The following DNAI3 variants were observed in gnomAD, a reference collection of about 807,000 sequenced individuals.
The protein encoded by DNAI3 is WD repeat domain 63.
A neutral mutation model predicts 115.5 loss-of-function variants in DNAI3; 83 were observed. That is an observed-to-expected ratio of 0.72 (90% CI 0.60 to 0.86). The LOEUF is 0.86. Ranked by LOEUF, DNAI3 falls within the 40% of genes least tolerant of loss-of-function variation. The pLI is 0.00. For missense variants in DNAI3, 1,004 were observed against 1,075.8 expected, an observed-to-expected ratio of 0.93 and a Z score of 0.93; for synonymous variants, 320 against 347.0, an observed-to-expected ratio of 0.92 and a Z score of 0.86.
intron 11 of DNAI3, 34 bp from the exon 12 acceptor site, chr1:85,097,535 G>A: frequency 6.4e-7 from 1 of 1,557,778 alleles, no homozygotes; most frequent in Non-Finnish European, 8.7e-7. Flanking sequence ...GATATTTTCT[G>A]AAAAGGTTAT....
At position 85,126,494 on chromosome 1, in the gene DNAI3, T is replaced by A. The variant is rs757856918; in HGVS notation, c.2113-17T>A. ...ACAAAATCTTCTTTATTTGTCTTTT[T>A]AAAAATTTGTTTAAAGACTGGACCG... is the stretch of plus-strand genomic sequence containing the variant. On this transcript the variant is annotated splice_polypyrimidine_tract_variant and intron_variant, in intron 19 of 22. Transcript: ENST00000294664. The A allele has an allele frequency of 1.9e-5, 30 of 1,594,186 alleles. 1 individual carries two copies. In the South Asian group the frequency reaches 3.3e-4, roughly 18 times the overall value.
At chr1:85,066,229 T>A (rs1014814818) in intron 1 of DNAI3, among the ~76,000 whole-genome samples, 1 of 151,798 alleles carries the variant, frequency 6.6e-6, no homozygotes, top group Non-Finnish European at 1.5e-5. Context: ...TCAGCTCTAG[T>A]GGTTTGAAAA....
chr1:85,090,955 A>G (rs1654954521), intron 8 of DNAI3, among the ~76,000 whole-genome samples: 1 of 152,214 alleles, frequency 6.6e-6, no homozygotes, highest in African/African-American at 2.4e-5. Flanking sequence ...GCCCAAGTTA[A>G]ACTTTTTTAT....
chr1:85,127,090 G>T (rs998288763), intron 20 of DNAI3, among the ~76,000 whole-genome samples: 8 of 151,952 alleles, frequency 5.3e-5, no homozygotes, highest in Non-Finnish European at 2.9e-5. Context: ...ATCTTTTGCT[G>T]ATTTTTTTTC....
intron 17 of DNAI3, 77 bp from the exon 18 acceptor site, chr1:85,121,674 A>G (rs1425552748): frequency 3.7e-6 from 5 of 1,337,084 alleles, no homozygotes; most frequent in Non-Finnish European, 5.2e-6. Flanking sequence ...CTTAACAGTC[A>G]ATCTTAGCAC....
intron 22 of DNAI3, among the ~76,000 whole-genome samples, chr1:85,131,457 A>T (rs980466167): frequency 2.0e-5 from 3 of 148,302 alleles, no homozygotes; most frequent in African/African-American, 5.0e-5. Flanking sequence ...AAAAAAAAAA[A>T]AAAAAATAAA....
intron 3 of DNAI3, among the ~76,000 whole-genome samples, chr1:85,074,433 G>T (rs555039189): frequency 9.2e-5 from 14 of 152,306 alleles, no homozygotes; most frequent in African/African-American, 3.4e-4. Flanking sequence ...CAGCCCATCA[G>T]CCTTGCTTAG....
At chr1:85,104,681 T>C in intron 14 of DNAI3, 84 bp downstream of exon 14, 2 of 1,049,686 alleles carry the variant, frequency 1.9e-6, no homozygotes, top group Non-Finnish European at 1.4e-6. Context: ...TGTCTTCTTC[T>C]CCTTAATATT....
At chr1:85,081,603 T>C (rs185747434) in intron 4 of DNAI3, among the ~76,000 whole-genome samples, 188 bp downstream of exon 4, 7 of 152,280 alleles carry the variant, frequency 4.6e-5, no homozygotes, top group Admixed American at 3.9e-4. Flanking sequence ...ATCAATGACT[T>C]GTTATCTAAT....
intron 8 of DNAI3, among the ~76,000 whole-genome samples, chr1:85,091,998 T>C (rs932384204): frequency 8.5e-5 from 13 of 152,216 alleles, no homozygotes; most frequent in Non-Finnish European, 1.6e-4. Flanking sequence ...AAATATGATT[T>C]GGAAAATGCT....
chr1:85,109,001 T>C (rs1655577891), intron 15 of DNAI3, among the ~76,000 whole-genome samples: 1 of 152,186 alleles, frequency 6.6e-6, no homozygotes, highest in Non-Finnish European at 1.5e-5. Context: ...CCTATCAAAA[T>C]TTTGCCTATC....
chr1:85,113,099 G>A (rs1655706102), intron 16 of DNAI3, among the ~76,000 whole-genome samples: 1 of 152,098 alleles, frequency 6.6e-6, no homozygotes, highest in Admixed American at 6.6e-5. Context: ...AATTCTGAGA[G>A]TTCTTAATAT....
At position 85,133,118 on chromosome 1, in the gene DNAI3, T is replaced by C; in HGVS notation, c.*120T>C. On this transcript the variant is annotated 3_prime_UTR_variant, in exon 23 of 23. Transcript: ENST00000294664. ...CATTTATAGACTTTTATTTCCCTGC[T>C]ATTAAAACTTTTGAATTTTAGCAAT... 8.4e-7 allele frequency: 1 copy of C among 1,189,738 alleles called. No individual in the cohort carries two copies. The highest frequency in any genetic ancestry group is 1.1e-6 in the Non-Finnish European group (1 of 901,690). The allele number at this position is 1,189,738 out of a possible 1,614,324, so 73.7% of individuals were successfully genotyped here. A position where few individuals can be genotyped will look rare whatever the true frequency, so the allele number is the denominator to read the frequency against.
At chr1:85,122,694 C>T (rs548600102) in intron 18 of DNAI3, among the ~76,000 whole-genome samples, 10 of 152,158 alleles carry the variant, frequency 6.6e-5, no homozygotes, top group African/African-American at 2.4e-4. Context: ...GTCAATCATG[C>T]GAGTGGAAGT....
rs541948879 is a variant in DNAI3, at chr1:85,075,388, G to A, written c.103+2296G>A. Reference sequence around the variant, plus strand: ...TGAGATGTATTCATTGAAAGTAAATGAACTGAAAAATAGGAATATGTTTGC... The same window carrying A: ...TGAGATGTATTCATTGAAAGTAAATAAACTGAAAAATAGGAATATGTTTGC... On this transcript the variant is annotated intron_variant, in intron 3 of 22. Transcript: ENST00000294664. 2.6e-5 allele frequency among the ~76,000 whole-genome samples: 4 copies of A among 152,276 alleles called. No homozygotes were observed. The South Asian group carries it at 8.3e-4, about 32-fold the overall frequency.
chr1:85,090,107 A>G lies in DNAI3; in HGVS notation c.741-9A>G. 1.4e-6 allele frequency: 2 copies of G among 1,435,386 alleles called. No homozygotes were observed. Among genetic ancestry groups the G allele is most frequent in the Non-Finnish European group, 1.9e-6 (2 of 1,071,492 alleles). 88.9% of individuals were successfully genotyped at this position (1,435,386 alleles called of 1,614,324 possible). ...ATCTTTAGTATTGAATTTTCTTTTA[A>G]TATATTAGGACATATCCTAAAAATG... On this transcript the variant is annotated splice_polypyrimidine_tract_variant and intron_variant, in intron 7 of 22. Transcript: ENST00000294664.
intron 14 of DNAI3, among the ~76,000 whole-genome samples, chr1:85,105,847 G>C (rs1220001137): frequency 1.3e-5 from 2 of 152,156 alleles, no homozygotes; most frequent in Non-Finnish European, 2.9e-5. Flanking sequence ...GGCTCCTACT[G>C]TATCATGAAC....
chr1:85,128,427 C>T (rs1202147877), intron 20 of DNAI3, among the ~76,000 whole-genome samples: 1 of 152,176 alleles, frequency 6.6e-6, no homozygotes, highest in Non-Finnish European at 1.5e-5. Flanking sequence ...TCAACTTCAG[C>T]CAGGAGCCAC....
chr1:85,096,555 T>G (rs964610656), intron 11 of DNAI3, among the ~76,000 whole-genome samples: 2 of 149,908 alleles, frequency 1.3e-5, no homozygotes. Flanking sequence ...TCAATACCGT[T>G]TGCTTTTATC....
Sources: gnomAD v4.1 joint callset for allele counts (sites outside exome capture counted in the v4.1 genomes callset) on GRCh38, gnomAD v4.1.1 for gene constraint, MANE v1.5 for transcripts, NCBI Gene and HGNC (gene_info 2026-07-23, HGNC 2026-07-21) for gene names.